The following UBE2R2 variants were observed in gnomAD, a reference collection of about 807,000 sequenced individuals.
The protein encoded by UBE2R2 is ubiquitin-conjugating enzyme E2 R2.
Under a neutral mutation model 27.8 loss-of-function variants are expected in UBE2R2, and 1 was observed. The observed-to-expected ratio is 0.04, with a 90% confidence interval of 0.01 to 0.17. UBE2R2 has a LOEUF of 0.17. Ranked by LOEUF, UBE2R2 falls within the 10% of genes least tolerant of loss-of-function variation. UBE2R2 has a pLI of 1.00. For missense variants in UBE2R2, 100 were observed against 291.0 expected, an observed-to-expected ratio of 0.34 and a Z score of 4.78; for synonymous variants, 106 against 113.3, an observed-to-expected ratio of 0.94 and a Z score of 0.41.
chr9:33,914,720 C>T lies in UBE2R2; in HGVS notation c.498-2298C>T, dbSNP rs945203675. On this transcript the variant is annotated intron_variant, in intron 4 of 4. Coordinates refer to ENST00000263228, the MANE Select transcript of UBE2R2 (RefSeq NM_017811.4). The stretch of plus-strand genomic sequence containing the variant: ...GCACACACCTGTAATCCCAGCTACT[C>T]GGGAGGCTGAAGGCAAGAGAATTGC... 7.9e-5 allele frequency among the ~76,000 whole-genome samples: 12 copies of T among 151,546 alleles called. No individual in the cohort carries two copies. In the South Asian group the frequency reaches 1.5e-3, roughly 19 times the overall value.
intron 1 of UBE2R2, among the ~76,000 whole-genome samples, chr9:33,828,413 A>G (rs913243547): frequency 7.4e-5 from 10 of 135,768 alleles, no homozygotes; most frequent in Non-Finnish European, 1.4e-4. Context: ...TTTTTTTTGC[A>G]GACAGTCTCA....
intron 2 of UBE2R2, among the ~76,000 whole-genome samples, chr9:33,897,024 ATTTTTT>A (rs749987839): frequency 3.4e-4 from 14 of 40,588 alleles, no homozygotes; most frequent in Non-Finnish European, 5.4e-4. Context: ...CTGTGGCCTA[ATTTTTT>A]TTTTTTTTTT....
intron 1 of UBE2R2, among the ~76,000 whole-genome samples, chr9:33,845,441 G>T (rs1418268085): frequency 6.6e-6 from 1 of 151,602 alleles, no homozygotes; most frequent in East Asian, 2.0e-4. Flanking sequence ...GTAGAGACGG[G>T]GTTTCACTGT....
chr9:33,820,669 T>C (rs1825965917), intron 1 of UBE2R2, among the ~76,000 whole-genome samples: 1 of 152,242 alleles, frequency 6.6e-6, no homozygotes, highest in African/African-American at 2.4e-5. Context: ...TCCTTGAACA[T>C]TTAGTATAAT....
At chr9:33,826,434 C>T (rs1411550343) in intron 1 of UBE2R2, among the ~76,000 whole-genome samples, 2 of 151,976 alleles carry the variant, frequency 1.3e-5, no homozygotes, top group Non-Finnish European at 2.9e-5. Flanking sequence ...AGTGGTGGCT[C>T]ACGCCTGTAA....
In UBE2R2 at chr9:33,859,450, ATAG is replaced by A. The variant is rs572832053; in HGVS notation, c.178-27427_178-27425del. 3.3e-5 allele frequency among the ~76,000 whole-genome samples: 5 copies of A among 152,304 alleles called. No homozygotes were observed. The South Asian group carries it at 8.3e-4, about 25-fold the overall frequency. On this transcript the variant is annotated intron_variant, in intron 1 of 4. Transcript: ENST00000263228. ...TCCTTGAGAATATCCCTGTTTTAAC[ATAG>A]TAGGTCATATTTTCAAAATGCCTAC...
intron 2 of UBE2R2, among the ~76,000 whole-genome samples, chr9:33,890,527 T>C (rs1821956460): frequency 6.7e-6 from 1 of 149,862 alleles, no homozygotes. Flanking sequence ...GAGATCGAGC[T>C]AAGGCCGGGC....
At chr9:33,853,285 TC>T (rs1821010737) in intron 1 of UBE2R2, among the ~76,000 whole-genome samples, 1 of 128,566 alleles carries the variant, frequency 7.8e-6, no homozygotes, top group Non-Finnish European at 1.6e-5. Flanking sequence ...ACCTTTTCTC[TC>T]TCTTTTTTTT....
chr9:33,901,841 A>G (rs1822250837), intron 3 of UBE2R2, among the ~76,000 whole-genome samples: 1 of 152,096 alleles, frequency 6.6e-6, no homozygotes, highest in African/African-American at 2.4e-5. Flanking sequence ...TTCTTTCTAA[A>G]TTCAAATAAA....
chr9:33,821,818 C>T lies in UBE2R2; in HGVS notation c.177+3884C>T, dbSNP rs1219070445. On this transcript the variant is annotated intron_variant, in intron 1 of 4. Transcript: ENST00000263228. The stretch of plus-strand genomic sequence containing the variant: ...ATTTTTAGTAGAGACAGGGTTTCAC[C>T]ATGTTGGCCAGGCTGGTCTTGAACC... 3.3e-5 allele frequency among the ~76,000 whole-genome samples: 5 copies of T among 151,626 alleles called. No individual in the cohort carries two copies. In the East Asian group the frequency reaches 9.8e-4, roughly 30 times the overall value.
intron 1 of UBE2R2, among the ~76,000 whole-genome samples, chr9:33,861,325 T>TGGGAGGCCGA (rs1821231876): frequency 6.7e-6 from 1 of 148,998 alleles, no homozygotes; most frequent in Non-Finnish European, 1.5e-5. Flanking sequence ...CACAGCACTT[T>TGGGAGGCCGA]GGGAGGCCGA....
At chr9:33,849,874 A>G (rs370692513) in intron 1 of UBE2R2, among the ~76,000 whole-genome samples, 7 of 152,158 alleles carry the variant, frequency 4.6e-5, no homozygotes, top group African/African-American at 1.7e-4. Context: ...TATTTCTTAC[A>G]CCAACCCAAT....
chr9:33,897,933 G>A (rs1465120547), intron 2 of UBE2R2, among the ~76,000 whole-genome samples: 2 of 150,292 alleles, frequency 1.3e-5, no homozygotes, highest in Admixed American at 6.6e-5. Flanking sequence ...GCACCACCAC[G>A]CCTGGCTAAT....
At chr9:33,867,995 T>C (rs533717911) in intron 1 of UBE2R2, among the ~76,000 whole-genome samples, 1 of 152,120 alleles carries the variant, frequency 6.6e-6, no homozygotes, top group East Asian at 1.9e-4. Flanking sequence ...TCTTGTTCGG[T>C]GTCCAGGAAG....
At chr9:33,851,777 T>G (rs1212565316) in intron 1 of UBE2R2, among the ~76,000 whole-genome samples, 1 of 152,204 alleles carries the variant, frequency 6.6e-6, no homozygotes. Flanking sequence ...AATTTATTCA[T>G]TTATTTATAT....
At chr9:33,903,333 ACC>A (rs1255274065) in intron 3 of UBE2R2, among the ~76,000 whole-genome samples, 2 of 152,184 alleles carry the variant, frequency 1.3e-5, no homozygotes, top group Non-Finnish European at 2.9e-5. Context: ...ACGAGTAATA[ACC>A]CTAGATTAGA....
intron 3 of UBE2R2, among the ~76,000 whole-genome samples, chr9:33,910,961 G>C (rs1564006968): frequency 6.6e-6 from 1 of 152,138 alleles, no homozygotes; most frequent in Non-Finnish European, 1.5e-5. Context: ...AAATTAGCCA[G>C]GCGTGGTAGT....
At chr9:33,861,044 C>T (rs1280493125) in intron 1 of UBE2R2, among the ~76,000 whole-genome samples, 2 of 151,272 alleles carry the variant, frequency 1.3e-5, no homozygotes, top group Non-Finnish European at 3.0e-5. Context: ...CTGCAAGCTC[C>T]GCCTCCTGGG....
intron 3 of UBE2R2, among the ~76,000 whole-genome samples, chr9:33,905,095 A>G (rs1822323808): frequency 6.6e-6 from 1 of 152,140 alleles, no homozygotes. Flanking sequence ...CCCCAGAACT[A>G]CTATCTGCTA....
Sources: allele counts gnomAD v4.1 joint callset (sites outside exome capture counted in the v4.1 genomes callset), GRCh38; gene constraint gnomAD v4.1.1; transcripts MANE v1.5; gene names NCBI Gene and HGNC (gene_info 2026-07-23, HGNC 2026-07-21).